ARHGAP15: variants seen among roughly 807,000 people sequenced by gnomAD.
ARHGAP15 encodes the protein Rho GTPase activating protein 15, also known as rho GTPase-activating protein 15.
Under a neutral mutation model 63.7 loss-of-function variants are expected in ARHGAP15, and 51 were observed. The observed-to-expected ratio is 0.80, with a 90% CI of 0.64 to 1.01. The LOEUF is 1.01. Among genes scored for constraint, ARHGAP15 ranks in the 50% least tolerant of loss-of-function variants. The pLI is 0.00. For synonymous variants in ARHGAP15, 191 were observed against 193.8 expected (o/e 0.99, Z 0.12); for missense variants, 560 against 564.6 (o/e 0.99, Z 0.08).
intron 13 of ARHGAP15, among the ~76,000 whole-genome samples, chr2:143,712,791 A>G (rs915837400): frequency 8.0e-6 from 1 of 125,732 alleles, no homozygotes; most frequent in Non-Finnish European, 1.7e-5. Flanking sequence ...TCTTACCTTC[A>G]CCCTTCAGCT....
At position 143,556,497 on chromosome 2, in the gene ARHGAP15, C is replaced by A; in HGVS notation, c.1003+12C>A. 6.2e-7 allele frequency: 1 copy of A among 1,605,256 alleles called. No individual in the cohort carries two copies. Among genetic ancestry groups the A allele is most frequent in the Non-Finnish European group, 8.5e-7 (1 of 1,173,162 alleles). The stretch of plus-strand genomic sequence containing the variant: ...TATTGTCAACCAAGGTAAGTGATTT[C>A]CACTTCAGAGATTTTTTCAAACAGT... On this transcript the variant is annotated intron_variant, in intron 11 of 13. Transcript: ENST00000295095.
intron 12 of ARHGAP15, among the ~76,000 whole-genome samples, chr2:143,627,524 T>TA (rs1419201789): frequency 6.6e-6 from 1 of 152,168 alleles, no homozygotes; most frequent in Non-Finnish European, 1.5e-5. Flanking sequence ...CCAATTGTAC[T>TA]AAAAAGTCTT....
chr2:143,584,093 G>A (rs1455231387), intron 11 of ARHGAP15, among the ~76,000 whole-genome samples: 1 of 152,112 alleles, frequency 6.6e-6, no homozygotes, highest in Non-Finnish European at 1.5e-5. Context: ...CTGTTAAAAT[G>A]CATTCTATTG....
intron 11 of ARHGAP15, among the ~76,000 whole-genome samples, chr2:143,618,097 C>T (rs917742037): frequency 2.0e-5 from 3 of 152,172 alleles, no homozygotes; most frequent in South Asian, 2.1e-4. Context: ...GTGACATCAC[C>T]GTGTTTGAGA....
intron 6 of ARHGAP15, among the ~76,000 whole-genome samples, chr2:143,306,970 A>C (rs1683203171): frequency 6.6e-6 from 1 of 152,100 alleles, no homozygotes; most frequent in Admixed American, 6.6e-5. Flanking sequence ...GTTGCTATGA[A>C]GTCGTCAGTG....
At chr2:143,745,233 G>A (rs989717118) in intron 13 of ARHGAP15, among the ~76,000 whole-genome samples, 3 of 152,186 alleles carry the variant, frequency 2.0e-5, no homozygotes, top group Non-Finnish European at 2.9e-5. Context: ...TCTGCTGAAT[G>A]GCACATTCCT....
intron 6 of ARHGAP15, among the ~76,000 whole-genome samples, chr2:143,319,813 G>A (rs1683922742): frequency 6.6e-6 from 1 of 152,112 alleles, no homozygotes; most frequent in Non-Finnish European, 1.5e-5. Context: ...TAAATAACAG[G>A]TGGAGAGCTA....
intron 6 of ARHGAP15, among the ~76,000 whole-genome samples, chr2:143,252,472 G>A (rs2104983868): frequency 6.6e-6 from 1 of 152,094 alleles, no homozygotes; most frequent in South Asian, 2.1e-4. Flanking sequence ...AATTTTGCCA[G>A]CTAGTTTTGT....
At chr2:143,339,857 C>T (rs1684976162) in intron 6 of ARHGAP15, among the ~76,000 whole-genome samples, 1 of 152,140 alleles carries the variant, frequency 6.6e-6, no homozygotes, top group African/African-American at 2.4e-5. Context: ...GAAGCTAATC[C>T]TGTGTCTCAC....
At chr2:143,764,965 G>T (rs1283148622) in intron 13 of ARHGAP15, among the ~76,000 whole-genome samples, 2 of 152,082 alleles carry the variant, frequency 1.3e-5, no homozygotes, top group Non-Finnish European at 2.9e-5. Context: ...CATGGCCCAT[G>T]ACCTCTGAGC....
At chr2:143,189,247 A>T (rs1400272448) in intron 2 of ARHGAP15, among the ~76,000 whole-genome samples, 1 of 151,896 alleles carries the variant, frequency 6.6e-6, no homozygotes, top group East Asian at 1.9e-4. Flanking sequence ...TTCCACATAC[A>T]CTATTTTTGG....
At chr2:143,455,328 C>T (rs1403414070) in intron 8 of ARHGAP15, among the ~76,000 whole-genome samples, 2 of 152,068 alleles carry the variant, frequency 1.3e-5, no homozygotes, top group African/African-American at 4.8e-5. Flanking sequence ...GCAGTAAGGA[C>T]GACCAAAGGT....
At chr2:143,453,023 A>G (rs1447593566) in intron 8 of ARHGAP15, among the ~76,000 whole-genome samples, 1 of 151,960 alleles carries the variant, frequency 6.6e-6, no homozygotes, top group African/African-American at 2.4e-5. Flanking sequence ...TGGTATAGAT[A>G]TGGTAAATAC....
At chr2:143,763,888 AACTT>A (rs1408406404) in intron 13 of ARHGAP15, among the ~76,000 whole-genome samples, 1 of 150,762 alleles carries the variant, frequency 6.6e-6, no homozygotes, top group Non-Finnish European at 1.5e-5. Flanking sequence ...TACTATATCT[AACTT>A]TCTTTCTTAA....
intron 3 of ARHGAP15, among the ~76,000 whole-genome samples, chr2:143,216,120 C>T (rs569903403): frequency 1.3e-5 from 2 of 152,324 alleles, no homozygotes; most frequent in South Asian, 4.1e-4. Context: ...GTGACTTCAA[C>T]GCCCAGAAAG....
chr2:143,442,830 T>C (rs1005210267), intron 8 of ARHGAP15, among the ~76,000 whole-genome samples: 3 of 152,180 alleles, frequency 2.0e-5, no homozygotes, highest in Admixed American at 2.0e-4. Context: ...AAAGTAGGTA[T>C]GTCCATGTGC....
chr2:143,289,448 G>A (rs564157443), intron 6 of ARHGAP15, among the ~76,000 whole-genome samples: 7 of 152,296 alleles, frequency 4.6e-5, no homozygotes, highest in African/African-American at 1.7e-4. Context: ...GTATTGAAAG[G>A]CATTCTGTAT....
intron 6 of ARHGAP15, among the ~76,000 whole-genome samples, chr2:143,417,151 G>A (rs560224115): frequency 5.3e-5 from 8 of 152,040 alleles, no homozygotes; most frequent in African/African-American, 1.2e-4. Context: ...CCTGGGTCTC[G>A]GGGGGTCTTA....
intron 10 of ARHGAP15, among the ~76,000 whole-genome samples, chr2:143,539,143 C>T (rs1423985220): frequency 6.6e-6 from 1 of 152,168 alleles, no homozygotes; most frequent in Non-Finnish European, 1.5e-5. Flanking sequence ...TCCACTTCTT[C>T]TAGATTTTCT....
Sources: allele counts gnomAD v4.1 joint callset (sites outside exome capture counted in the v4.1 genomes callset), GRCh38; gene constraint gnomAD v4.1.1; transcripts MANE v1.5; gene names NCBI Gene and HGNC (gene_info 2026-07-23, HGNC 2026-07-21).